NCKAP1L: variants seen among roughly 807,000 people sequenced by gnomAD.
NCKAP1L encodes nck-associated protein 1-like.
NCKAP1L carries 53 observed loss-of-function variants against 139.2 expected under a neutral mutation model. The ratio of observed to expected loss-of-function variants is 0.38; its 90% CI spans 0.31 to 0.48. NCKAP1L has a LOEUF of 0.48. Among genes scored for constraint, NCKAP1L ranks in the 20% least tolerant of loss-of-function variants. The pLI is 0.98. For missense variants in NCKAP1L, 1,151 were observed against 1,381.9 expected, an observed-to-expected ratio of 0.83 and a Z score of 2.65; for synonymous variants, 468 against 499.7, an observed-to-expected ratio of 0.94 and a Z score of 0.85.
rs1264984620 is a variant in NCKAP1L at position 54,509,959 on chromosome 12, A to G, written c.709A>G (p.Met237Val). Residue 237 changes from methionine to valine, a missense_variant, in exon 7 of 31, where the codon ATG becomes GTG. Transcript: ENST00000293373. ...AAGCCTCATCAGCAACCCCCCAGCCATGATTAACCCTGCTAATTCAGATAC... is the reference window on the plus strand; with the variant it reads ...AAGCCTCATCAGCAACCCCCCAGCCGTGATTAACCCTGCTAATTCAGATAC... ...LLSLISNPPA[M>V]INPANSDTMA... 6.2e-7 allele frequency: 1 copy of G among 1,614,106 alleles called. No individual in the cohort carries two copies. Among genetic ancestry groups the G allele is most frequent in the Non-Finnish European group, 8.5e-7 (1 of 1,180,044 alleles).
chr12:54,538,527 C>G (rs1237319561), intron 29 of NCKAP1L, among the ~76,000 whole-genome samples: 1 of 152,190 alleles, frequency 6.6e-6, no homozygotes, highest in East Asian at 1.9e-4. Flanking sequence ...GATAGGGAGT[C>G]AGCCATAAAC....
Position 54,542,917 on chromosome 12 carries a change from G to A in NCKAP1L, c.*232G>A, listed in dbSNP as rs900564822. On this transcript the variant is annotated 3_prime_UTR_variant, in exon 31 of 31. Transcript: ENST00000293373. ...GACAGCTTATGGAAAAAGTTAGGGC[G>A]TGGGGCCACATGTGTGAATTTTACA... The A allele has an allele frequency of 1.3e-5, 6 of 466,776 alleles. No homozygotes were observed. The highest frequency in any genetic ancestry group is 7.8e-5 in the African/African-American group (4 of 51,264). 28.9% of individuals were successfully genotyped at this position (466,776 alleles called of 1,614,324 possible).
chr12:54,524,979 T>C (rs1957015784), intron 20 of NCKAP1L, among the ~76,000 whole-genome samples: 1 of 151,958 alleles, frequency 6.6e-6, no homozygotes, highest in Non-Finnish European at 1.5e-5. Flanking sequence ...GCATTCTAGG[T>C]AGAGGAAACA....
intron 22 of NCKAP1L, among the ~76,000 whole-genome samples, chr12:54,529,117 C>T (rs1592349575): frequency 1.3e-5 from 2 of 152,146 alleles, no homozygotes; most frequent in African/African-American, 2.4e-5. Flanking sequence ...CACTTATTCC[C>T]GTTTTTCAGA....
At chr12:54,510,239 A>G (rs1956876421) in intron 7 of NCKAP1L, 1 of 536,920 alleles carries the variant, frequency 1.9e-6, no homozygotes, top group Non-Finnish European at 3.3e-6. Context: ...AATTTAGTAA[A>G]TATTCATAGA....
In NCKAP1L at chr12:54,528,300, C is replaced by A; in HGVS notation, c.2429C>A (p.Pro810Gln). ...QASSGTIILS[P>Q]AMQAFVSLPR... is the part of the protein sequence containing the mutation. ...AGCAGTGGGACCATCATCCTCTCCC[C>A]AGCCATGCAGGCCTTCGTCAGCCTG... Residue 810 changes from proline (P) to glutamine (Q), a missense_variant, in exon 22 of 31, where the codon CCA becomes CAA. Physicochemically the swap from Pro to Gln is moderately conservative, Grantham distance 76. Transcript: ENST00000293373. 6.2e-7 allele frequency: 1 copy of A among 1,614,044 alleles called. No individual in the cohort carries two copies. The highest frequency in any genetic ancestry group is 8.5e-7 in the Non-Finnish European group (1 of 1,179,958).
At chr12:54,498,806 A>C in intron 1 of NCKAP1L, 3 of 985,358 alleles carry the variant, frequency 3.0e-6, no homozygotes, top group Non-Finnish European at 3.6e-6. Context: ...AGCAGGCATT[A>C]AACTCTACCC....
intron 3 of NCKAP1L, among the ~76,000 whole-genome samples, chr12:54,503,544 G>T (rs1468134732): frequency 1.3e-5 from 2 of 151,668 alleles, no homozygotes; most frequent in African/African-American, 2.4e-5. Context: ...TAAAGGTTTG[G>T]TTAAAAGTTC....
chr12:54,531,706 C>G, intron 24 of NCKAP1L, 37 bp from the exon 25 acceptor site: 1 of 1,607,010 alleles, frequency 6.2e-7, no homozygotes, highest in Non-Finnish European at 8.5e-7. Context: ...CAATCCCTCT[C>G]TAAATTATCT....
intron 28 of NCKAP1L, 97 bp downstream of exon 28, chr12:54,536,342 C>A: frequency 2.2e-6 from 2 of 911,844 alleles, no homozygotes; most frequent in Admixed American, 1.9e-5. Flanking sequence ...AGACTTCTGA[C>A]TTGGGTGTAA....
At chr12:54,508,275 T>G (rs1956858658) in intron 4 of NCKAP1L, 114 bp from the exon 5 acceptor site, 3 of 1,119,178 alleles carry the variant, frequency 2.7e-6, no homozygotes, top group Non-Finnish European at 3.9e-6. Flanking sequence ...AGTTCCTACT[T>G]CTAAATAGAT....
At chr12:54,510,820 C>G (rs1292845189) in intron 7 of NCKAP1L, among the ~76,000 whole-genome samples, 1 of 151,768 alleles carries the variant, frequency 6.6e-6, no homozygotes, top group Non-Finnish European at 1.5e-5. Context: ...CCGCGCCCAG[C>G]CTGTTTATTT....
intron 5 of NCKAP1L, among the ~76,000 whole-genome samples, chr12:54,509,187 GTATT>G (rs1420623601): frequency 6.6e-6 from 1 of 152,162 alleles, no homozygotes. Flanking sequence ...GCAAATGTAA[GTATT>G]TAAGGGCTGA....
intron 20 of NCKAP1L, among the ~76,000 whole-genome samples, chr12:54,526,078 G>T (rs1037188129): frequency 3.9e-5 from 6 of 152,166 alleles, no homozygotes; most frequent in African/African-American, 1.2e-4. Flanking sequence ...TTCTAAGCAT[G>T]GTTTTCCATT....
intron 29 of NCKAP1L, among the ~76,000 whole-genome samples, chr12:54,537,771 A>G (rs12817091): frequency 0.24 from 37,128 of 152,026 alleles, 5,442 homozygotes; most frequent in African/African-American, 0.4. Flanking sequence ...CTTGTCTGGG[A>G]ATCTCACTAG....
intron 30 of NCKAP1L, among the ~76,000 whole-genome samples, chr12:54,539,912 T>G (rs548603849): frequency 6.6e-6 from 1 of 152,310 alleles, no homozygotes; most frequent in Non-Finnish European, 1.5e-5. Context: ...ATACCTCTAG[T>G]GCCCAAGGGA....
At position 54,519,377 on chromosome 12, in the gene NCKAP1L, C is replaced by CT. The variant is rs541277224; in HGVS notation, c.1625+51dup. 4.9e-5 allele frequency: 67 copies of CT among 1,361,352 alleles called. No homozygotes were observed. The African/African-American group carries it at 8.8e-4, about 18-fold the overall frequency. The allele number at this position is 1,361,352 out of a possible 1,614,324, so 84.3% of individuals were successfully genotyped here. A position where few individuals can be genotyped will look rare whatever the true frequency, so the allele number is the denominator to read the frequency against. The stretch of plus-strand genomic sequence containing the variant: ...TCTCTTTAAAAAGTTTTATTGTTTC[C>CT]TTTTTTCATTTTTTTCTCCATTATG... On this transcript the variant is annotated intron_variant, in intron 16 of 30. Coordinates refer to ENST00000293373, the MANE Select transcript of NCKAP1L (RefSeq NM_005337.5).
intron 27 of NCKAP1L, 37 bp from the exon 28 acceptor site, chr12:54,536,092 A>G (rs1004989510): frequency 2.1e-6 from 3 of 1,442,296 alleles, no homozygotes; most frequent in Non-Finnish European, 2.9e-6. Context: ...TGCTGACTTT[A>G]TTCACTTTTC....
rs545281794 is a variant in NCKAP1L at position 54,531,600 on chromosome 12, C to T, written c.2698+16C>T. ...CAGCTGACAGGTAAGCATCCTCTTC[C>T]CCTATAGTGAGAAGGAGCTGTGGAA... On this transcript the variant is annotated intron_variant, in intron 24 of 30. Transcript: ENST00000293373. The T allele has an allele frequency of 1.2e-6, 2 of 1,613,300 alleles. No individual in the cohort carries two copies. Among genetic ancestry groups the T allele is most frequent in the African/African-American group, 1.3e-5 (1 of 75,024 alleles).
Sources: allele counts gnomAD v4.1 joint callset (sites outside exome capture counted in the v4.1 genomes callset), GRCh38; gene constraint gnomAD v4.1.1; transcripts MANE v1.5; gene names NCBI Gene and HGNC (gene_info 2026-07-23, HGNC 2026-07-21).